The following THSD7A variants were observed in gnomAD, a reference collection of about 807,000 sequenced individuals.
THSD7A encodes the protein thrombospondin type 1 domain containing 7A, also known as thrombospondin type-1 domain-containing protein 7A.
Under a neutral mutation model 231.3 loss-of-function variants are expected in THSD7A, and 96 were observed. The observed-to-expected ratio is 0.41, with a 90% CI of 0.35 to 0.49. The LOEUF is 0.49. THSD7A is among the 20% of genes least tolerant of loss of function. THSD7A has a pLI of 0.05. For synonymous variants in THSD7A, 940 were observed against 743.3 expected (o/e 1.26, Z -4.30); for missense variants, 2,290 against 2,070.2 (o/e 1.11, Z -2.06).
At chr7:11,488,980 C>T (rs957066642) in intron 6 of THSD7A, among the ~76,000 whole-genome samples, 1 of 151,988 alleles carries the variant, frequency 6.6e-6, no homozygotes, top group Non-Finnish European at 1.5e-5. Flanking sequence ...TCTCAAATGC[C>T]CCAGATGGAG....
chr7:11,477,618 T>C (rs1239276696), intron 7 of THSD7A, among the ~76,000 whole-genome samples: 1 of 152,186 alleles, frequency 6.6e-6, no homozygotes, highest in African/African-American at 2.4e-5. Flanking sequence ...TAAAATTGTT[T>C]GCAAATGTGG....
At chr7:11,393,584 TAACA>T (rs761183773) in intron 23 of THSD7A, among the ~76,000 whole-genome samples, 1 of 152,156 alleles carries the variant, frequency 6.6e-6, no homozygotes, top group Non-Finnish European at 1.5e-5. Context: ...GAACACGTTC[TAACA>T]AACAGAATGC....
chr7:11,373,075 G>A lies in THSD7A; in HGVS notation c.*2719C>T, dbSNP rs530402777. 134 of 137,056 alleles carry A rather than the reference G, an allele frequency of 9.8e-4. 1 individual carries two copies. Among genetic ancestry groups the A allele is most frequent in the African/African-American group, 3.8e-3 (133 of 34,998 alleles). 8.5% of individuals were successfully genotyped at this position (137,056 alleles called of 1,614,324 possible). On this transcript the variant is annotated 3_prime_UTR_variant, in exon 28 of 28. Coordinates refer to ENST00000423059, the MANE Select transcript of THSD7A (RefSeq NM_015204.3). ...TATATATGGGTGTGTGTGTGTGTGT[G>A]TGTATATATATATATGCATGCATAT...
chr7:11,809,897 A>G (rs745623613), intron 1 of THSD7A, among the ~76,000 whole-genome samples: 1 of 152,116 alleles, frequency 6.6e-6, no homozygotes, highest in Non-Finnish European at 1.5e-5. Flanking sequence ...ATTTTATTCT[A>G]TATTTTGGGG....
intron 22 of THSD7A, among the ~76,000 whole-genome samples, chr7:11,402,180 A>T (rs866284669): frequency 2.0e-5 from 3 of 152,212 alleles, no homozygotes; most frequent in African/African-American, 7.2e-5. Context: ...TTACTGGTCT[A>T]TGTGTTGCTT....
At chr7:11,593,736 A>C (rs1780257561) in intron 2 of THSD7A, among the ~76,000 whole-genome samples, 1 of 152,240 alleles carries the variant, frequency 6.6e-6, no homozygotes, top group Non-Finnish European at 1.5e-5. Context: ...GGAAATAGAA[A>C]ATAAAGAGAA....
intron 4 of THSD7A, among the ~76,000 whole-genome samples, chr7:11,563,023 C>T (rs893899498): frequency 6.6e-6 from 1 of 152,090 alleles, no homozygotes; most frequent in Non-Finnish European, 1.5e-5. Context: ...CAGTAATTGG[C>T]GTCAAGCAAA....
intron 1 of THSD7A, among the ~76,000 whole-genome samples, chr7:11,819,861 A>C (rs1177071728): frequency 6.6e-6 from 1 of 152,232 alleles, no homozygotes; most frequent in Non-Finnish European, 1.5e-5. Context: ...ATCGTAACAA[A>C]TGTACCACAC....
At chr7:11,587,098 A>C (rs914596730) in intron 4 of THSD7A, among the ~76,000 whole-genome samples, 1 of 152,206 alleles carries the variant, frequency 6.6e-6, no homozygotes, top group African/African-American at 2.4e-5. Flanking sequence ...TTCTTGAGTT[A>C]CTGTAGGTAA....
chr7:11,608,590 A>G (rs1394341461), intron 2 of THSD7A, among the ~76,000 whole-genome samples: 1 of 152,154 alleles, frequency 6.6e-6, no homozygotes, highest in African/African-American at 2.4e-5. Flanking sequence ...GTAAAAATTC[A>G]TATAGAACCT....
At position 11,814,724 on chromosome 7, in the gene THSD7A, C is replaced by G. The variant is rs192736119; in HGVS notation, c.190+17033G>C. Reference sequence around the variant, plus strand: ...GTAAGAGACAGGGAGAGAAATGTATCTTAGCAGCAGTCAAAGCTCTCCTTA... The same window carrying G: ...GTAAGAGACAGGGAGAGAAATGTATGTTAGCAGCAGTCAAAGCTCTCCTTA... On this transcript the variant is annotated intron_variant, in intron 1 of 27. Coordinates refer to ENST00000423059, the MANE Select transcript of THSD7A (RefSeq NM_015204.3). The surrounding 1 kb of genome is among the most constrained non-coding windows in gnomAD (Gnocchi z 5.1). 5.3e-5 allele frequency among the ~76,000 whole-genome samples: 8 copies of G among 152,256 alleles called. No individual in the cohort carries two copies. The highest frequency in any genetic ancestry group is 1.7e-4 in the African/African-American group (7 of 41,548).
rs1442540382 is a variant in THSD7A, at chr7:11,637,287, C to G, written c.191-326G>C. 6.6e-6 allele frequency among the ~76,000 whole-genome samples: 1 copy of G among 152,116 alleles called. No individual in the cohort carries two copies. The highest frequency in any genetic ancestry group is 6.5e-5 in the Admixed American group (1 of 15,272). ...CTGATAAAGGACATCAGAAATTAGT[C>G]ACAGTGAAAACTCATTACTCCGGCC... On this transcript the variant is annotated intron_variant, in intron 1 of 27. Transcript: ENST00000423059. The surrounding 1 kb of genome is among the most constrained non-coding windows in gnomAD (Gnocchi z 4.2).
At chr7:11,692,545 CA>C (rs1780265630) in intron 1 of THSD7A, among the ~76,000 whole-genome samples, 1 of 151,504 alleles carries the variant, frequency 6.6e-6, no homozygotes, top group Admixed American at 6.6e-5. Flanking sequence ...AAATTGTACA[CA>C]ACAAATAAGA....
chr7:11,381,526 C>T (rs1395157570), intron 24 of THSD7A, among the ~76,000 whole-genome samples: 1 of 152,124 alleles, frequency 6.6e-6, no homozygotes, highest in Non-Finnish European at 1.5e-5. Flanking sequence ...AGTTAAATTT[C>T]TAAACAAACA....
At chr7:11,704,731 C>A (rs967269982) in intron 1 of THSD7A, among the ~76,000 whole-genome samples, 18 of 150,958 alleles carry the variant, frequency 1.2e-4, no homozygotes, top group South Asian at 8.3e-4. Context: ...TCTTCTCCCC[C>A]AAAACTGCCC....
rs1337020845 is a variant in THSD7A, at chr7:11,600,409, CT to C, written c.1023-6908del. The stretch of plus-strand genomic sequence containing the variant: ...CTGTAGAGATATCCACTAAATATAC[CT>C]TTAATATTTATTTTATCAGTATTTA... On this transcript the variant is annotated intron_variant, in intron 2 of 27. Transcript: ENST00000423059. Among the ~76,000 whole-genome samples the C allele has an allele frequency of 5.3e-5, 8 of 151,944 alleles. No homozygotes were observed. In the East Asian group the frequency reaches 1.6e-3, roughly 29 times the overall value.
At chr7:11,546,204 T>C (rs6974797) in intron 4 of THSD7A, among the ~76,000 whole-genome samples, 1 of 140,266 alleles carries the variant, frequency 7.1e-6, no homozygotes, top group African/African-American at 2.7e-5. Flanking sequence ...GGGCGCGCGC[T>C]CACACACACA....
At chr7:11,640,994 T>G (rs537102446) in intron 1 of THSD7A, among the ~76,000 whole-genome samples, 4 of 152,244 alleles carry the variant, frequency 2.6e-5, no homozygotes, top group African/African-American at 9.6e-5. Flanking sequence ...TTCACAATGT[T>G]GATCCCACTA....
At chr7:11,830,432 T>C (rs1785159822) in intron 1 of THSD7A, among the ~76,000 whole-genome samples, 1 of 152,242 alleles carries the variant, frequency 6.6e-6, no homozygotes, top group Non-Finnish European at 1.5e-5. Flanking sequence ...AGTAAAACCC[T>C]AGCTTACGCT....
Sources: gnomAD v4.1 joint callset for allele counts (sites outside exome capture counted in the v4.1 genomes callset) on GRCh38, gnomAD v4.1.1 for gene constraint, Gnocchi (gnomAD v3.1) non-coding constraint, MANE v1.5 for transcripts, NCBI Gene and HGNC (gene_info 2026-07-23, HGNC 2026-07-21) for gene names.